The following CDH22 variants were observed in gnomAD, a reference collection of about 807,000 sequenced individuals.
CDH22 encodes the protein cadherin 22.
CDH22 carries 30 observed loss-of-function variants against 58.4 expected under a neutral mutation model. The ratio of observed to expected loss-of-function variants is 0.51; its 90% confidence interval spans 0.38 to 0.70. The LOEUF is 0.70. Ranked by LOEUF, CDH22 falls within the 30% of genes least tolerant of loss-of-function variation. CDH22 has a pLI of 0.00. For missense variants in CDH22, 1,014 were observed against 1,233.9 expected (o/e 0.82, Z 2.67); for synonymous variants, 513 against 558.2 (o/e 0.92, Z 1.14).
intron 8 of CDH22, among the ~76,000 whole-genome samples, chr20:46,198,715 C>T (rs1200064618): frequency 6.6e-6 from 1 of 152,186 alleles, no homozygotes; most frequent in Admixed American, 6.5e-5. Context: ...CCACGCTGCC[C>T]CTCATCAACC....
intron 2 of CDH22, among the ~76,000 whole-genome samples, chr20:46,246,423 CT>C (rs1365664731): frequency 1.3e-5 from 2 of 152,292 alleles, no homozygotes; most frequent in East Asian, 3.9e-4. Context: ...ATAATTCTAT[CT>C]TTTTTTAAAA....
chr20:46,291,290 T>A (rs1391975052), intron 1 of CDH22, among the ~76,000 whole-genome samples: 1 of 151,956 alleles, frequency 6.6e-6, no homozygotes, highest in Non-Finnish European at 1.5e-5. Flanking sequence ...AATAAATAAA[T>A]AAATAAATAA....
At chr20:46,231,933 T>C (rs912586531) in intron 3 of CDH22, among the ~76,000 whole-genome samples, 7 of 152,174 alleles carry the variant, frequency 4.6e-5, no homozygotes, top group Non-Finnish European at 7.4e-5. Context: ...TTAGAAATGA[T>C]GGATTTAAGG....
chr20:46,254,320 C>T (rs1018911684), intron 1 of CDH22, among the ~76,000 whole-genome samples: 2 of 151,892 alleles, frequency 1.3e-5, no homozygotes, highest in Admixed American at 6.6e-5. Context: ...TTTGGGAGGC[C>T]GAGGCAGGTG....
chr20:46,204,417 A>AAAG (rs1380356797), intron 7 of CDH22, among the ~76,000 whole-genome samples: 1 of 113,820 alleles, frequency 8.8e-6, no homozygotes, highest in African/African-American at 3.5e-5. Flanking sequence ...AAAAAAAAAA[A>AAAG]AGAGAGAGAG....
At chr20:46,271,916 C>A (rs147904722) in intron 1 of CDH22, among the ~76,000 whole-genome samples, 14 of 152,204 alleles carry the variant, frequency 9.2e-5, no homozygotes, top group Non-Finnish European at 1.8e-4. Flanking sequence ...AAACATAGAG[C>A]TGCTCTCTCA....
chr20:46,263,409 T>TGTGTGC, intron 1 of CDH22, among the ~76,000 whole-genome samples: 1 of 150,916 alleles, frequency 6.6e-6, no homozygotes, highest in South Asian at 2.1e-4. Flanking sequence ...TTCCATTCTG[T>TGTGTGC]GTGTGTGTGT....
intron 10 of CDH22, among the ~76,000 whole-genome samples, chr20:46,178,760 C>T (rs2085762540): frequency 6.6e-6 from 1 of 152,058 alleles, no homozygotes; most frequent in African/African-American, 2.4e-5. Context: ...CTCTGGCTGG[C>T]ATCTGCCTTT....
At chr20:46,185,948 C>T (rs564297898) in intron 10 of CDH22, among the ~76,000 whole-genome samples, 57 of 151,648 alleles carry the variant, frequency 3.8e-4, no homozygotes, top group African/African-American at 1.3e-3. Context: ...CACAGTGGCT[C>T]ATGCCTATAA....
At chr20:46,176,279 C>A (rs894835786) in intron 11 of CDH22, among the ~76,000 whole-genome samples, 2 of 152,190 alleles carry the variant, frequency 1.3e-5, no homozygotes, top group Non-Finnish European at 2.9e-5. Flanking sequence ...TGGACCTCTC[C>A]CCTGAAATCT....
chr20:46,208,631 G>A (rs995815981), intron 7 of CDH22, among the ~76,000 whole-genome samples: 2 of 151,600 alleles, frequency 1.3e-5, no homozygotes, highest in African/African-American at 4.9e-5. Flanking sequence ...TTTTGCTCTC[G>A]TTGCCCAGGC....
intron 1 of CDH22, among the ~76,000 whole-genome samples, chr20:46,275,249 T>C (rs2086512177): frequency 6.6e-6 from 1 of 152,226 alleles, no homozygotes; most frequent in African/African-American, 2.4e-5. Flanking sequence ...GCTGGCCTGC[T>C]GAGTTTTCCT....
At chr20:46,283,950 C>A (rs75526589) in intron 1 of CDH22, among the ~76,000 whole-genome samples, 7,964 of 152,270 alleles carry the variant, frequency 0.052, 298 homozygotes, top group Middle Eastern at 0.15. Context: ...TCACAGCTAA[C>A]AAACGGCTGT....
intron 4 of CDH22, among the ~76,000 whole-genome samples, chr20:46,221,063 G>A (rs1191945234): frequency 4.6e-5 from 7 of 152,130 alleles, no homozygotes; most frequent in Non-Finnish European, 1.5e-5. Context: ...GGAATCCTGA[G>A]ACCATTGTAC....
At chr20:46,183,344 T>A (rs559165268) in intron 10 of CDH22, among the ~76,000 whole-genome samples, 4 of 152,182 alleles carry the variant, frequency 2.6e-5, no homozygotes, top group Non-Finnish European at 5.9e-5. Flanking sequence ...AGGGTCCTGC[T>A]CCAGGTTTTG....
chr20:46,255,855 G>T (rs960039191), intron 1 of CDH22, among the ~76,000 whole-genome samples: 2 of 152,176 alleles, frequency 1.3e-5, no homozygotes, highest in Non-Finnish European at 2.9e-5. Context: ...TCCTGGGACC[G>T]CCTCCCATGA....
chr20:46,212,584 C>T (rs2086051088), intron 6 of CDH22, among the ~76,000 whole-genome samples: 3 of 152,164 alleles, frequency 2.0e-5, no homozygotes, highest in Admixed American at 2.0e-4. Flanking sequence ...CAGGTGTGAC[C>T]TTGGGTAAGC....
chr20:46,287,366 C>T (rs1000695022), intron 1 of CDH22, among the ~76,000 whole-genome samples: 2 of 152,104 alleles, frequency 1.3e-5, no homozygotes, highest in Non-Finnish European at 2.9e-5. Flanking sequence ...TTAAAACATG[C>T]GATGATGACT....
At chr20:46,189,633 C>T (rs1600688010) in intron 8 of CDH22, among the ~76,000 whole-genome samples, 1 of 152,176 alleles carries the variant, frequency 6.6e-6, no homozygotes, top group African/African-American at 2.4e-5. Flanking sequence ...GGGCTATGCT[C>T]GGCCTCTCTT....
Sources: allele counts gnomAD v4.1 joint callset (sites outside exome capture counted in the v4.1 genomes callset), GRCh38; gene constraint gnomAD v4.1.1; transcripts MANE v1.5; gene names NCBI Gene and HGNC (gene_info 2026-07-23, HGNC 2026-07-21).